Variants in ERICH3 observed in about 807,000 individuals in gnomAD.
The protein encoded by ERICH3 is glutamate rich 3, also known as glutamate-rich protein 3.
A neutral mutation model predicts 131.1 loss-of-function variants in ERICH3; 126 were observed. That is an observed-to-expected ratio of 0.96 (90% CI 0.83 to 1.11). The LOEUF (loss-of-function observed/expected upper bound fraction) is 1.11, where lower values mean the gene tolerates loss of function less well. ERICH3 is among the 50% of genes most tolerant of loss of function. The pLI is 0.00. For missense variants in ERICH3, 2,050 were observed against 1,810.7 expected (o/e 1.13, Z -2.40); for synonymous variants, 695 against 644.6 (o/e 1.08, Z -1.18).
In ERICH3 at chr1:74,571,984, C is replaced by T. The variant is rs371901779; in HGVS notation, c.3726G>A (p.Glu1242=). 1.8e-4 allele frequency: 292 copies of T among 1,614,070 alleles called. 5 individuals carry two copies. The South Asian group carries it at 2.5e-3, about 14-fold the overall frequency. The change falls in exon 14 of 15, where the codon GAG becomes GAA. Residue 1242 remains glutamate (E), a synonymous_variant. Coordinates refer to ENST00000326665, the MANE Select transcript of ERICH3 (RefSeq NM_001002912.5). The part of the protein sequence containing the change: ...GLIPATGQAE[E]LAAKDHDSCA... Reference sequence around the variant, plus strand: ...AGGAGTCGTGATCTTTGGCTGCTAGCTCCTCTGCCTGGCCTGTGGCTGGGA... The same window carrying T: ...AGGAGTCGTGATCTTTGGCTGCTAGTTCCTCTGCCTGGCCTGTGGCTGGGA...
At chr1:74,615,665 A>G (rs1648923823) in intron 8 of ERICH3, among the ~76,000 whole-genome samples, 1 of 152,202 alleles carries the variant, frequency 6.6e-6, no homozygotes, top group South Asian at 2.1e-4. Context: ...TCTCTGGAGA[A>G]GAATTAAAGG....
chr1:74,647,514 A>T (rs1557698786), intron 2 of ERICH3, among the ~76,000 whole-genome samples: 1 of 152,078 alleles, frequency 6.6e-6, no homozygotes, highest in Admixed American at 6.6e-5. Flanking sequence ...ATTGGTCTCA[A>T]CTGGCATCAT....
intron 1 of ERICH3, among the ~76,000 whole-genome samples, chr1:74,660,267 C>T (rs1360301335): frequency 6.6e-6 from 1 of 151,976 alleles, no homozygotes; most frequent in African/African-American, 2.4e-5. Context: ...AAACTTCTTT[C>T]CTTTGTAAAT....
At chr1:74,625,686 G>A (rs1649391156) in intron 7 of ERICH3, 1 of 152,062 alleles carries the variant, frequency 6.6e-6, no homozygotes. Context: ...GGTAACCTCA[G>A]GACCTAGCAT....
rs12728662 is a variant in ERICH3, at chr1:74,569,556, C to T, written c.*902G>A. ...AACTTGGGAAGGTGAGCAGCACACT[C>T]ATTTAATCCAAGTTTCTTTTCCATT... On this transcript the variant is annotated 3_prime_UTR_variant, in exon 15 of 15. Coordinates refer to ENST00000326665, the MANE Select transcript of ERICH3 (RefSeq NM_001002912.5). The T allele has an allele frequency of 0.3, 46,105 of 152,094 alleles. 8,165 individuals are homozygous for T. Among genetic ancestry groups the T allele is most frequent in the East Asian group, 0.58 (3,006 of 5,164 alleles). 9.4% of individuals were successfully genotyped at this position (152,094 alleles called of 1,614,324 possible). A position where few individuals can be genotyped will look rare whatever the true frequency, so the allele number is the denominator to read the frequency against.
At chr1:74,667,093 A>G in intron 1 of ERICH3, among the ~76,000 whole-genome samples, 1 of 142,758 alleles carries the variant, frequency 7.0e-6, no homozygotes, top group Non-Finnish European at 1.6e-5. Flanking sequence ...TGTTTACCTT[A>G]AATTTTTTTT....
intron 11 of ERICH3, among the ~76,000 whole-genome samples, chr1:74,594,713 A>T (rs1647767899): frequency 1.3e-5 from 2 of 152,114 alleles, no homozygotes; most frequent in Admixed American, 1.3e-4. Flanking sequence ...ACTCTCTCAG[A>T]AACTATTGCC....
chr1:74,604,129 A>G (rs1227058087), intron 10 of ERICH3, among the ~76,000 whole-genome samples: 1 of 151,936 alleles, frequency 6.6e-6, no homozygotes, highest in Non-Finnish European at 1.5e-5. Context: ...CATTTCAACA[A>G]TGTTCATGGC....
rs1303570478 is a variant in ERICH3, at chr1:74,569,372, T to C, written c.*1086A>G. The C allele has an allele frequency of 6.6e-6, 1 of 152,170 alleles. No homozygotes were observed. Among genetic ancestry groups the C allele is most frequent in the Non-Finnish European group, 1.5e-5 (1 of 68,034 alleles). 9.4% of individuals were successfully genotyped at this position (152,170 alleles called of 1,614,324 possible). On this transcript the variant is annotated 3_prime_UTR_variant, in exon 15 of 15. Transcript: ENST00000326665. ...TATAGAGAAATGGTAGACATATACA[T>C]GCGCTCTGGGGCACTTGTATGTCTT...
intron 6 of ERICH3, among the ~76,000 whole-genome samples, chr1:74,632,551 CAT>C (rs59338009): frequency 0.02 from 3,053 of 151,930 alleles, 97 homozygotes; most frequent in African/African-American, 0.069. Flanking sequence ...TATAAGGATA[CAT>C]ATACACACAT....
intron 1 of ERICH3, among the ~76,000 whole-genome samples, chr1:74,663,450 C>G (rs958189076): frequency 6.6e-6 from 1 of 152,022 alleles, no homozygotes; most frequent in African/African-American, 2.4e-5. Context: ...AGAAGCCATT[C>G]CCAAACTTGT....
chr1:74,640,874 G>A (rs963735699), intron 5 of ERICH3, among the ~76,000 whole-genome samples: 2 of 152,076 alleles, frequency 1.3e-5, no homozygotes, highest in Non-Finnish European at 2.9e-5. Context: ...AGAAGGAACA[G>A]CAAGAAAAAA....
intron 9 of ERICH3, among the ~76,000 whole-genome samples, chr1:74,610,409 C>G (rs894531112): frequency 9.6e-5 from 14 of 146,082 alleles, no homozygotes; most frequent in African/African-American, 3.6e-4. Flanking sequence ...TGCCTTCTTT[C>G]TTTCCTCCCG....
rs972480088 is a variant in ERICH3 at position 74,599,938 on chromosome 1, T to C, written c.1490-7A>G. ...TCAAAGTCTTCTTCATACTCTGAAA[T>C]AGGAAAATCTCCACTATAAGAATGA... On this transcript the variant is annotated splice_region_variant and splice_polypyrimidine_tract_variant and intron_variant, in intron 10 of 14. Transcript: ENST00000326665. 16 of 1,584,896 alleles carry C rather than the reference T, an allele frequency of 1.0e-5. No homozygotes were observed. The highest frequency in any genetic ancestry group is 1.7e-4 in the Middle Eastern group (1 of 5,946).
In ERICH3 at chr1:74,606,752, C is replaced by T; in HGVS notation, c.1338G>A (p.Lys446=). The change falls in exon 10 of 15, where the codon AAG becomes AAA. Residue 446 remains lysine (K), a synonymous_variant. Coordinates refer to ENST00000326665, the MANE Select transcript of ERICH3 (RefSeq NM_001002912.5). Reference sequence around the variant, plus strand: ...TGGCTGAAACAGAGGTTTTGTTCTCCTTGATCTCATTTCTTTTTGGTATCA... The same window carrying T: ...TGGCTGAAACAGAGGTTTTGTTCTCTTTGATCTCATTTCTTTTTGGTATCA... ...EYVIPKRNEI[K]ENKTSVSAKF... 3 of 1,613,314 alleles carry T rather than the reference C, an allele frequency of 1.9e-6. No individual in the cohort carries two copies. Among genetic ancestry groups the T allele is most frequent in the South Asian group, 2.2e-5 (2 of 91,060 alleles).
Position 74,648,302 on chromosome 1 carries a change from C to T in ERICH3, c.117+920G>A, listed in dbSNP as rs535455602. ...ATGTTAATAGTAACAATAATTACAA[C>T]ACCCGTTTATTGCACATCTCTAACT... On this transcript the variant is annotated intron_variant, in intron 2 of 14. Coordinates refer to ENST00000326665, the MANE Select transcript of ERICH3 (RefSeq NM_001002912.5). Among the ~76,000 whole-genome samples the T allele has an allele frequency of 4.6e-5, 7 of 152,270 alleles. No homozygotes were observed. The East Asian group carries it at 5.8e-4, about 13-fold the overall frequency.
chr1:74,613,914 C>T (rs1281159544), intron 8 of ERICH3, among the ~76,000 whole-genome samples: 1 of 152,094 alleles, frequency 6.6e-6, no homozygotes, highest in Non-Finnish European at 1.5e-5. Flanking sequence ...CCACATCTGC[C>T]AATAATAAAG....
intron 4 of ERICH3, among the ~76,000 whole-genome samples, chr1:74,642,296 A>G (rs954329025): frequency 3.3e-5 from 5 of 152,150 alleles, no homozygotes; most frequent in African/African-American, 2.4e-5. Flanking sequence ...AAATTATTCT[A>G]CAGAAGCTTT....
intron 8 of ERICH3, among the ~76,000 whole-genome samples, chr1:74,615,587 G>C (rs1393422499): frequency 6.6e-6 from 1 of 152,154 alleles, no homozygotes; most frequent in Non-Finnish European, 1.5e-5. Context: ...CATTAAACAG[G>C]AGGGGCAAAA....
Sources: gnomAD v4.1 joint callset for allele counts (sites outside exome capture counted in the v4.1 genomes callset) on GRCh38, gnomAD v4.1.1 for gene constraint, MANE v1.5 for transcripts, NCBI Gene and HGNC (gene_info 2026-07-23, HGNC 2026-07-21) for gene names.